The following ZBTB7C variants were observed in gnomAD, a reference collection of about 807,000 sequenced individuals.
The protein encoded by ZBTB7C is zinc finger and BTB domain-containing protein 7C.
ZBTB7C carries 8 observed loss-of-function variants against 25.7 expected under a neutral mutation model. The observed-to-expected ratio is 0.31, with a 90% CI of 0.18 to 0.56. The LOEUF (loss-of-function observed/expected upper bound fraction) is 0.56, where lower values mean the gene tolerates loss of function less well. Among genes scored for constraint, ZBTB7C ranks in the 20% least tolerant of loss-of-function variants. The pLI is 0.91. For missense variants in ZBTB7C, 824 were observed against 855.2 expected, an observed-to-expected ratio of 0.96 and a Z score of 0.46; for synonymous variants, 394 against 369.0, an observed-to-expected ratio of 1.07 and a Z score of -0.78.
chr18:48,100,983 C>T (rs550446403), intron 3 of ZBTB7C, among the ~76,000 whole-genome samples: 6 of 152,064 alleles, frequency 3.9e-5, no homozygotes, highest in South Asian at 2.1e-4. Context: ...CTGGGCTCCT[C>T]GTGCATCACT....
intron 2 of ZBTB7C, among the ~76,000 whole-genome samples, chr18:48,270,218 TACCAAA>T (rs1025992176): frequency 1.3e-4 from 19 of 150,916 alleles, no homozygotes; most frequent in African/African-American, 4.4e-4. Context: ...GGAAACTAAT[TACCAAA>T]ACCTAAACCT....
At chr18:48,323,214 A>G (rs55720737) in intron 2 of ZBTB7C, among the ~76,000 whole-genome samples, 8 of 152,098 alleles carry the variant, frequency 5.3e-5, no homozygotes, top group Middle Eastern at 3.4e-3. Flanking sequence ...ATATCAATTT[A>G]AAAAAAAGCC....
chr18:48,408,253 T>A (rs1206049972), intron 1 of ZBTB7C: 1 of 152,256 alleles, frequency 6.6e-6, no homozygotes, highest in Non-Finnish European at 1.5e-5. Context: ...TTTCTTTGGC[T>A]CCTCCTGGCC....
At chr18:48,159,986 C>A (rs781344525) in intron 3 of ZBTB7C, among the ~76,000 whole-genome samples, 2 of 152,222 alleles carry the variant, frequency 1.3e-5, no homozygotes, top group Non-Finnish European at 2.9e-5. Context: ...TCTTTTGCAA[C>A]CTGTTCAGAT....
intron 3 of ZBTB7C, among the ~76,000 whole-genome samples, chr18:48,144,370 G>T (rs887178174): frequency 6.6e-6 from 1 of 151,676 alleles, no homozygotes; most frequent in Non-Finnish European, 1.5e-5. Context: ...TTTAGACAGG[G>T]TCTCACTTTG....
intron 2 of ZBTB7C, among the ~76,000 whole-genome samples, chr18:48,292,780 G>C (rs2045270885): frequency 6.6e-6 from 1 of 152,238 alleles, no homozygotes; most frequent in African/African-American, 2.4e-5. Flanking sequence ...CTGGAAAGGA[G>C]TCCATGGAGT....
chr18:48,128,197 C>T (rs2039869084), intron 3 of ZBTB7C, among the ~76,000 whole-genome samples: 1 of 152,208 alleles, frequency 6.6e-6, no homozygotes, highest in Non-Finnish European at 1.5e-5. Context: ...ACCGACTGCT[C>T]CCCGCAAGGT....
intron 4 of ZBTB7C, among the ~76,000 whole-genome samples, chr18:48,031,737 T>G (rs1431734068): frequency 6.6e-6 from 1 of 152,210 alleles, no homozygotes; most frequent in Non-Finnish European, 1.5e-5. Flanking sequence ...GACCCCACAC[T>G]GAGAACCACC....
intron 2 of ZBTB7C, among the ~76,000 whole-genome samples, chr18:48,248,003 A>G (rs200306849): frequency 5.4e-4 from 82 of 152,300 alleles, no homozygotes; most frequent in East Asian, 2.5e-3. Flanking sequence ...GTGGTAGTGA[A>G]TAAGTCTCAC....
intron 1 of ZBTB7C, among the ~76,000 whole-genome samples, chr18:48,408,092 C>T (rs903956079): frequency 2.6e-5 from 4 of 152,226 alleles, no homozygotes; most frequent in African/African-American, 7.2e-5. Flanking sequence ...CCGGCTCTAG[C>T]CTTGCGCATG....
chr18:48,280,089 T>C (rs2044787658), intron 2 of ZBTB7C, among the ~76,000 whole-genome samples: 1 of 152,126 alleles, frequency 6.6e-6, no homozygotes, highest in African/African-American at 2.4e-5. Flanking sequence ...CCCAAGGAAC[T>C]CACCCTACAA....
At position 48,373,577 on chromosome 18, in the gene ZBTB7C, A is replaced by G. The variant is rs1038593892; in HGVS notation, c.-303-35179T>C. 2.0e-5 allele frequency among the ~76,000 whole-genome samples: 3 copies of G among 152,164 alleles called. No individual in the cohort carries two copies. In the South Asian group the frequency reaches 6.2e-4, roughly 32 times the overall value. ...GTTGAGCCTGGTGGAAGTTGTTTGG[A>G]TCATGGGGGCGGATTCTTCATAAAT... is the stretch of plus-strand genomic sequence containing the variant. On this transcript the variant is annotated intron_variant, in intron 1 of 4. Coordinates refer to ENST00000590800, the MANE Select transcript of ZBTB7C (RefSeq NM_001318841.2).
chr18:48,243,662 C>T (rs1350745243), intron 2 of ZBTB7C, among the ~76,000 whole-genome samples: 1 of 152,032 alleles, frequency 6.6e-6, no homozygotes, highest in Non-Finnish European at 1.5e-5. Context: ...TTTCACAGAA[C>T]TAGAAAAAAC....
At chr18:48,045,177 G>A (rs2036419247) in intron 3 of ZBTB7C, among the ~76,000 whole-genome samples, 1 of 152,250 alleles carries the variant, frequency 6.6e-6, no homozygotes, top group African/African-American at 2.4e-5. Context: ...AGCAGGCAAG[G>A]GCCGGCAGGG....
At chr18:48,157,412 G>A (rs980152471) in intron 3 of ZBTB7C, among the ~76,000 whole-genome samples, 8 of 152,082 alleles carry the variant, frequency 5.3e-5, no homozygotes, top group Admixed American at 6.5e-5. Context: ...ATGAGGAAAC[G>A]GAGACAAACC....
At chr18:48,031,191 A>G (rs528377239) in intron 4 of ZBTB7C, among the ~76,000 whole-genome samples, 1 of 152,168 alleles carries the variant, frequency 6.6e-6, no homozygotes, top group Non-Finnish European at 1.5e-5. Flanking sequence ...TGGCCACTAG[A>G]GGTCTCACCA....
At chr18:48,056,478 C>T (rs1185471978) in intron 3 of ZBTB7C, among the ~76,000 whole-genome samples, 2 of 152,108 alleles carry the variant, frequency 1.3e-5, no homozygotes, top group Non-Finnish European at 2.9e-5. Flanking sequence ...GATATGAAGA[C>T]ACATTAGAAA....
chr18:48,326,212 C>T (rs1017519114), intron 2 of ZBTB7C, among the ~76,000 whole-genome samples: 4 of 151,644 alleles, frequency 2.6e-5, no homozygotes, highest in Admixed American at 2.0e-4. Context: ...TATCCTGCCT[C>T]AGCCTCTCGA....
chr18:48,067,333 G>T (rs143258825), intron 3 of ZBTB7C, among the ~76,000 whole-genome samples: 1 of 152,278 alleles, frequency 6.6e-6, no homozygotes, highest in African/African-American at 2.4e-5. Flanking sequence ...TGGATGAGTT[G>T]TTGACCACTT....
Sources: allele counts gnomAD v4.1 joint callset (sites outside exome capture counted in the v4.1 genomes callset), GRCh38; gene constraint gnomAD v4.1.1; transcripts MANE v1.5; gene names NCBI Gene and HGNC (gene_info 2026-07-23, HGNC 2026-07-21).